The following FYB1 variants were observed in gnomAD, a reference collection of about 807,000 sequenced individuals.
FYB1 encodes FYN binding protein 1.
Under a neutral mutation model 94.1 loss-of-function variants are expected in FYB1, and 41 were observed. That is an observed-to-expected ratio of 0.44 (90% CI 0.34 to 0.57). The LOEUF (loss-of-function observed/expected upper bound fraction) is 0.57, where lower values mean the gene tolerates loss of function less well. FYB1 is among the 20% of genes least tolerant of loss of function. The pLI is 0.02. For missense variants in FYB1, 1,050 were observed against 976.8 expected, an observed-to-expected ratio of 1.07 and a Z score of -1.00; for synonymous variants, 367 against 353.2, an observed-to-expected ratio of 1.04 and a Z score of -0.44.
chr5:39,167,989 A>G (rs1284472873), intron 2 of FYB1, among the ~76,000 whole-genome samples: 4 of 152,242 alleles, frequency 2.6e-5, no homozygotes, highest in Non-Finnish European at 5.9e-5. Flanking sequence ...GCCCATCACA[A>G]ACTCACAAAA....
At chr5:39,114,093 G>T (rs1167195850) in intron 16 of FYB1, among the ~76,000 whole-genome samples, 1 of 151,954 alleles carries the variant, frequency 6.6e-6, no homozygotes, top group East Asian at 1.9e-4. Context: ...TGGGAAGATC[G>T]AAAGCACCTT....
At chr5:39,146,810 A>G (rs761494050) in intron 3 of FYB1, among the ~76,000 whole-genome samples, 3 of 152,152 alleles carry the variant, frequency 2.0e-5, no homozygotes, top group Non-Finnish European at 4.4e-5. Context: ...CACTTTATAT[A>G]GGCCTGAATT....
chr5:39,185,459 G>A (rs1264792000), intron 2 of FYB1, among the ~76,000 whole-genome samples: 1 of 150,450 alleles, frequency 6.6e-6, no homozygotes, highest in Non-Finnish European at 1.5e-5. Flanking sequence ...TGAGCTTCAT[G>A]TGGCAGCAAG....
chr5:39,225,180 A>G (rs1314099341), intron 1 of FYB1, among the ~76,000 whole-genome samples: 3 of 152,162 alleles, frequency 2.0e-5, no homozygotes, highest in Admixed American at 2.0e-4. Context: ...TATTTGAGTA[A>G]GCACTGCAAA....
chr5:39,160,693 C>T (rs963101827), intron 2 of FYB1, among the ~76,000 whole-genome samples: 64 of 152,328 alleles, frequency 4.2e-4, no homozygotes, highest in Middle Eastern at 3.4e-3. Context: ...AATGGGACTA[C>T]TGACTCTTAA....
chr5:39,222,715 A>T (rs1750321159), upstream of FYB1, among the ~76,000 whole-genome samples: 1 of 152,224 alleles, frequency 6.6e-6, no homozygotes, highest in Non-Finnish European at 1.5e-5. Context: ...AAGCGGAAGT[A>T]TAGATACTTG....
At chr5:39,210,556 C>T (rs140144688) in intron 1 of FYB1, among the ~76,000 whole-genome samples, 3 of 152,258 alleles carry the variant, frequency 2.0e-5, no homozygotes, top group African/African-American at 4.8e-5. Context: ...TTTTGTGTAC[C>T]CCCTGTTTTT....
intron 3 of FYB1, among the ~76,000 whole-genome samples, chr5:39,142,064 T>C (rs1051341593): frequency 1.3e-5 from 2 of 152,290 alleles, no homozygotes; most frequent in East Asian, 1.9e-4. Context: ...TATGACCATT[T>C]ATATTTTCTA....
intron 1 of FYB1, among the ~76,000 whole-genome samples, chr5:39,259,766 C>T (rs1752137460): frequency 1.3e-5 from 2 of 151,962 alleles, no homozygotes; most frequent in Admixed American, 1.3e-4. Flanking sequence ...ACATATTAGG[C>T]AGGAACGTGG....
At chr5:39,195,184 A>G (rs1037834872) in intron 2 of FYB1, among the ~76,000 whole-genome samples, 1 of 152,190 alleles carries the variant, frequency 6.6e-6, no homozygotes, top group Non-Finnish European at 1.5e-5. Flanking sequence ...TTACGTTCCC[A>G]GTGCACAGTG....
At position 39,177,386 on chromosome 5, in the gene FYB1, A is replaced by G. The variant is rs6883846; in HGVS notation, c.1136-23782T>C. Among the ~76,000 whole-genome samples, 1,322 of 152,306 alleles carry G rather than the reference A, an allele frequency of 8.7e-3. 26 individuals are homozygous for G. Among genetic ancestry groups the G allele is most frequent in the African/African-American group, 0.03 (1,237 of 41,546 alleles). On this transcript the variant is annotated intron_variant, in intron 2 of 18. Transcript: ENST00000512982. The stretch of plus-strand genomic sequence containing the variant: ...TCACAGAGCTATAGAGCTAGAAGGT[A>G]TCTCAGGGGTGGTCTAATTCAACCT...
chr5:39,229,982 T>C lies in FYB1; in HGVS notation c.-27-26995A>G, dbSNP rs150395024. On this transcript the variant is annotated intron_variant, in intron 1 of 1. Coordinates refer to the FYB1 transcript ENST00000510188. ...CTTCAGAGCTCTCAGATGATTCTAA[T>C]GGGCAAATCAAGATCGGGAATCTCT... Among the ~76,000 whole-genome samples, 1,055 of 152,292 alleles carry C rather than the reference T, an allele frequency of 6.9e-3. 9 individuals are homozygous for C. Among genetic ancestry groups the C allele is most frequent in the African/African-American group, 0.023 (940 of 41,564 alleles).
intron 1 of FYB1, among the ~76,000 whole-genome samples, chr5:39,258,003 G>C (rs997565269): frequency 4.6e-5 from 7 of 152,112 alleles, no homozygotes; most frequent in Non-Finnish European, 8.8e-5. Flanking sequence ...AGAATCACTG[G>C]GAAGGCTTTG....
At chr5:39,262,791 C>G (rs1198710057) in intron 1 of FYB1, among the ~76,000 whole-genome samples, 2 of 151,730 alleles carry the variant, frequency 1.3e-5, no homozygotes, top group African/African-American at 4.8e-5. Context: ...TGAAAGAAGG[C>G]AAAGTGCAGA....
intron 13 of FYB1, 55 bp from the exon 14 acceptor site, chr5:39,122,457 T>G: frequency 9.8e-7 from 1 of 1,019,100 alleles, no homozygotes; most frequent in Non-Finnish European, 1.5e-6. Flanking sequence ...GATTTTGATA[T>G]GAGCATTCAA....
At chr5:39,191,970 G>A (rs1747403270) in intron 2 of FYB1, among the ~76,000 whole-genome samples, 1 of 152,108 alleles carries the variant, frequency 6.6e-6, no homozygotes, top group Non-Finnish European at 1.5e-5. Flanking sequence ...CATTCTTCTG[G>A]CATAGAAATC....
chr5:39,139,091 T>C (rs1244398821), intron 5 of FYB1, 142 bp downstream of exon 5: 2 of 902,550 alleles, frequency 2.2e-6, no homozygotes, highest in African/African-American at 1.7e-5. Flanking sequence ...GCATTTTAGA[T>C]GAAATAAGAT....
intron 4 of FYB1, among the ~76,000 whole-genome samples, chr5:39,140,613 C>T (rs1742086201): frequency 6.6e-6 from 1 of 152,096 alleles, no homozygotes; most frequent in Admixed American, 6.5e-5. Flanking sequence ...GAGAGGTCCG[C>T]ATGGGGATGA....
At chr5:39,241,691 C>T (rs760803376) in intron 1 of FYB1, among the ~76,000 whole-genome samples, 17 of 152,226 alleles carry the variant, frequency 1.1e-4, no homozygotes, top group Middle Eastern at 3.4e-3. Flanking sequence ...CCTGCACAAC[C>T]GTAAGAGGTG....
Sources: gnomAD v4.1 joint callset for allele counts (sites outside exome capture counted in the v4.1 genomes callset) on GRCh38, gnomAD v4.1.1 for gene constraint, MANE v1.5 for transcripts, NCBI Gene and HGNC (gene_info 2026-07-23, HGNC 2026-07-21) for gene names.